FBXW12: variants seen among roughly 807,000 people sequenced by gnomAD.
FBXW12 encodes F-box and WD repeat domain containing 12.
A neutral mutation model predicts 55.3 loss-of-function variants in FBXW12; 43 were observed. That is an observed-to-expected ratio of 0.78 (90% CI 0.61 to 1.00). The LOEUF is 1.00. FBXW12 is among the 50% of genes least tolerant of loss of function. The pLI, the probability that FBXW12 is intolerant of heterozygous loss-of-function variation, is 0.00. For missense variants in FBXW12, 524 were observed against 560.5 expected (o/e 0.93, Z 0.66); for synonymous variants, 184 against 203.8 (o/e 0.90, Z 0.83).
Position 48,372,737 on chromosome 3 carries a change from G to A in FBXW12, c.-31G>A. ...TTCAGAGCAGCCCGGAGAGGAGAAA[G>A]GAAAGTGGATGTGGGTTCAGGCCGC... On this transcript the variant is annotated 5_prime_UTR_variant, in exon 2 of 11. Coordinates refer to ENST00000296438, the MANE Select transcript of FBXW12 (RefSeq NM_207102.2). 6.2e-7 allele frequency: 1 copy of A among 1,614,206 alleles called. No homozygotes were observed.
Position 48,382,202 on chromosome 3 carries a change from C to T in FBXW12, c.1295+117C>T, listed in dbSNP as rs1351809024. On this transcript the variant is annotated intron_variant, in intron 10 of 10. Transcript: ENST00000296438. ...CGTGATCTCAACTCACTGCAACCTC[C>T]GACTCCCGGGTTCTAGCAATTCTCC... 21 of 1,149,188 alleles carry T rather than the reference C, an allele frequency of 1.8e-5. No individual in the cohort carries two copies. In the East Asian group the frequency reaches 3.6e-4, roughly 20 times the overall value. 71.2% of individuals were successfully genotyped at this position (1,149,188 alleles called of 1,614,324 possible).
intron 10 of FBXW12, among the ~76,000 whole-genome samples, chr3:48,389,654 G>C (rs1173197328): frequency 1.3e-5 from 2 of 152,206 alleles, no homozygotes; most frequent in African/African-American, 4.8e-5. Flanking sequence ...GGGATTACAG[G>C]TGTGAGCCAC....
Position 48,373,690 on chromosome 3 carries a change from GTAAC to G in FBXW12, c.275_278del (p.Thr92ArgfsTer46), listed in dbSNP as rs1204605537. 18 of 1,613,880 alleles carry G rather than the reference GTAAC, an allele frequency of 1.1e-5. No homozygotes were observed. The highest frequency in any genetic ancestry group is 1.4e-5 in the Non-Finnish European group (16 of 1,179,890). Reference sequence around the variant, plus strand: ...ACAGCCGCATAACTTTATCTACAAAGTAACTAAGAACATCGGTATGGGTATAGGT... The same window carrying G: ...ACAGCCGCATAACTTTATCTACAAAGTAAGAACATCGGTATGGGTATAGGT... On this transcript the variant is annotated frameshift_variant, in exon 4 of 11. Transcript: ENST00000296438. LOFTEE classifies it high-confidence loss of function.
At position 48,378,498 on chromosome 3, in the gene FBXW12, A is replaced by C; in HGVS notation, c.587A>C (p.Tyr196Ser). The change falls in exon 6 of 11, where the codon TAT becomes TCT. Residue 196 changes from tyrosine (Y) to serine (S), a missense_variant. Transcript: ENST00000296438. ...MPQPCYCMEA[Y>S]LTKDGPFLMV... ...CAGCCCTGTTATTGCATGGAAGCCTATCTTACAAAGGATGGCCCATTCCTG... is the reference window on the plus strand; with the variant it reads ...CAGCCCTGTTATTGCATGGAAGCCTCTCTTACAAAGGATGGCCCATTCCTG... 1 of 1,613,952 alleles carries C rather than the reference A, an allele frequency of 6.2e-7. No individual in the cohort carries two copies.
chr3:48,372,566 C>T, intron 1 of FBXW12, 118 bp from the exon 2 acceptor site: 2 of 1,258,958 alleles, frequency 1.6e-6, no homozygotes, highest in Non-Finnish European at 2.2e-6. Flanking sequence ...GGGATGCCTG[C>T]CAGCTGTGTG....
At chr3:48,376,574 G>C (rs2036689705) in intron 5 of FBXW12, among the ~76,000 whole-genome samples, 1 of 152,178 alleles carries the variant, frequency 6.6e-6, no homozygotes, top group African/African-American at 2.4e-5. Flanking sequence ...TAAAGTTTTT[G>C]TTGAAGAGAA....
In FBXW12 at chr3:48,393,168, G is replaced by C. The variant is rs2036956056; in HGVS notation, c.1296-1392G>C. 2.0e-5 allele frequency among the ~76,000 whole-genome samples: 3 copies of C among 151,958 alleles called. No homozygotes were observed. The South Asian group carries it at 6.2e-4, about 32-fold the overall frequency. On this transcript the variant is annotated intron_variant, in intron 10 of 10. Coordinates refer to ENST00000296438, the MANE Select transcript of FBXW12 (RefSeq NM_207102.2). ...GCACCACTATGCTCAGCTAATTTTT[G>C]TATTTTTAGTAGAGACTGGGTTTTG...
intron 4 of FBXW12, among the ~76,000 whole-genome samples, chr3:48,374,561 C>T (rs2036655252): frequency 6.6e-6 from 1 of 152,110 alleles, no homozygotes; most frequent in Non-Finnish European, 1.5e-5. Flanking sequence ...CTCCTGACCT[C>T]AAGTGATCCA....
intron 10 of FBXW12, among the ~76,000 whole-genome samples, chr3:48,385,338 TTGTGTGTGTGTG>T (rs60689779): frequency 6.7e-5 from 10 of 148,994 alleles, no homozygotes; most frequent in Admixed American, 4.0e-4. Flanking sequence ...TGGTATTCCA[TTGTGTGTGTGTG>T]TGTGTGTGTG....
intron 10 of FBXW12, among the ~76,000 whole-genome samples, chr3:48,383,958 T>C (rs967410583): frequency 2.6e-5 from 4 of 152,208 alleles, no homozygotes; most frequent in Non-Finnish European, 4.4e-5. Flanking sequence ...ATTGAAAATG[T>C]AACTTTATAG....
At chr3:48,379,649 C>CCGAGATCT in intron 7 of FBXW12, 91 bp downstream of exon 7, 2 of 1,010,918 alleles carry the variant, frequency 2.0e-6, no homozygotes, top group Admixed American at 1.9e-5. Context: ...GAGGACCAGG[C>CCGAGATCT]ACACTGCTCC....
Position 48,381,835 on chromosome 3 carries a change from A to G in FBXW12, c.1121A>G (p.Gln374Arg), listed in dbSNP as rs528089976. 17 of 1,609,332 alleles carry G rather than the reference A, an allele frequency of 1.1e-5. No homozygotes were observed. The South Asian group carries it at 1.4e-4, about 14-fold the overall frequency. The change falls in exon 9 of 11, where the codon CAA (glutamine) becomes CGA (arginine). Residue 374 changes from glutamine to arginine, a missense_variant. Coordinates refer to ENST00000296438, the MANE Select transcript of FBXW12 (RefSeq NM_207102.2). Reference sequence around the variant, plus strand: ...TTCAGCATCACTGGCTTCCTGCTGCAACGATTTGAGGACCATCAGGCAGCC... The same window carrying G: ...TTCAGCATCACTGGCTTCCTGCTGCGACGATTTGAGGACCATCAGGCAGCC... ...LLFSITGFLL[Q>R]RFEDHQAAIN...
chr3:48,392,450 C>CAAAAAAAAA (rs33965777), intron 10 of FBXW12, among the ~76,000 whole-genome samples: 1 of 72,664 alleles, frequency 1.4e-5, no homozygotes, highest in Non-Finnish European at 2.5e-5. Context: ...CACTCAGTCT[C>CAAAAAAAAA]AAAAAAAAAA....
intron 10 of FBXW12, among the ~76,000 whole-genome samples, chr3:48,387,061 T>A (rs1396726721): frequency 6.6e-6 from 1 of 151,946 alleles, no homozygotes; most frequent in Non-Finnish European, 1.5e-5. Context: ...CCTCAGGGTG[T>A]TATTTCTTCC....
At chr3:48,394,026 C>T (rs1245355279) in intron 10 of FBXW12, among the ~76,000 whole-genome samples, 2 of 151,974 alleles carry the variant, frequency 1.3e-5, no homozygotes, top group African/African-American at 4.8e-5. Flanking sequence ...ATCCACCCAC[C>T]TCGGCCTCCC....
chr3:48,372,880 TG>T (rs777414657), intron 2 of FBXW12, 23 bp downstream of exon 2: 1 of 1,607,646 alleles, frequency 6.2e-7, no homozygotes, highest in Non-Finnish European at 8.5e-7. Context: ...CACCTCCCAC[TG>T]CCCCCCAAGC....
rs2036628201 is a variant in FBXW12 at position 48,373,161 on chromosome 3, C to A, written c.91-147C>A. The A allele has an allele frequency of 3.4e-6, 4 of 1,187,086 alleles. No individual in the cohort carries two copies. In the South Asian group the frequency reaches 4.1e-5, roughly 12 times the overall value. 73.5% of individuals were successfully genotyped at this position (1,187,086 alleles called of 1,614,324 possible). On this transcript the variant is annotated intron_variant, in intron 2 of 10. Transcript: ENST00000296438. ...GTCTCTGTTGTTACCATTTCCTTAT[C>A]TCCCCACACTGAGAGTGCTTTGAGA... is the stretch of plus-strand genomic sequence containing the variant.
In FBXW12 at chr3:48,384,947, A is replaced by G. The variant is rs190582081; in HGVS notation, c.1295+2862A>G. Among the ~76,000 whole-genome samples, 9 of 152,330 alleles carry G rather than the reference A, an allele frequency of 5.9e-5. No individual in the cohort carries two copies. The East Asian group carries it at 1.7e-3, about 29-fold the overall frequency. ...ATGATTAAATCAAGCTAATATATCA[A>G]TCACTTCATACACTTACTTTTGTGG... On this transcript the variant is annotated intron_variant, in intron 10 of 10. Transcript: ENST00000296438.
At chr3:48,388,584 G>A (rs541717427) in intron 10 of FBXW12, among the ~76,000 whole-genome samples, 1 of 152,032 alleles carries the variant, frequency 6.6e-6, no homozygotes, top group East Asian at 1.9e-4. Context: ...CTTTATTTTG[G>A]TTAATATTTG....
Sources: allele counts gnomAD v4.1 joint callset (sites outside exome capture counted in the v4.1 genomes callset), GRCh38; gene constraint gnomAD v4.1.1; transcripts MANE v1.5; gene names NCBI Gene and HGNC (gene_info 2026-07-23, HGNC 2026-07-21).